The following HECW2 variants were observed in gnomAD, a reference collection of about 807,000 sequenced individuals.
The protein encoded by HECW2 is E3 ubiquitin-protein ligase HECW2.
A neutral mutation model predicts 175.2 loss-of-function variants in HECW2; 61 were observed. That is an observed-to-expected ratio of 0.35 (90% confidence interval 0.28 to 0.43). The LOEUF (loss-of-function observed/expected upper bound fraction) is 0.43, where lower values mean the gene tolerates loss of function less well. Among genes scored for constraint, HECW2 ranks in the 20% least tolerant of loss-of-function variants. The probability of loss-of-function intolerance (pLI) is 1.00; values close to 1 mark genes in which losing one functional copy is unlikely to be tolerated. For missense variants in HECW2, 1,524 were observed against 2,000.5 expected (o/e 0.76, Z 4.54); for synonymous variants, 671 against 731.0 (o/e 0.92, Z 1.32).
intron 1 of HECW2, among the ~76,000 whole-genome samples, chr2:196,467,303 A>G (rs542926881): frequency 6.6e-6 from 1 of 152,128 alleles, no homozygotes; most frequent in South Asian, 2.1e-4. Context: ...TTCTACCACT[A>G]CTGCTATTCT....
At chr2:196,383,043 G>A (rs1694250935) in intron 2 of HECW2, among the ~76,000 whole-genome samples, 1 of 152,222 alleles carries the variant, frequency 6.6e-6, no homozygotes, top group Admixed American at 6.5e-5. Flanking sequence ...TCAGTCAGAA[G>A]AGTGGTTCAA....
chr2:196,513,386 G>C (rs1172237715), intron 1 of HECW2, among the ~76,000 whole-genome samples: 3 of 152,206 alleles, frequency 2.0e-5, no homozygotes, highest in Non-Finnish European at 4.4e-5. Context: ...GCACATGCCT[G>C]TATTCCCAGC....
chr2:196,435,643 G>A (rs1695846608), intron 1 of HECW2, among the ~76,000 whole-genome samples: 1 of 152,218 alleles, frequency 6.6e-6, no homozygotes, highest in African/African-American at 2.4e-5. Flanking sequence ...TTTAAGCAGA[G>A]AGACAGGTTA....
In HECW2 at chr2:196,232,020, C is replaced by T. The variant is rs527909510; in HGVS notation, c.3765-3766G>A. Among the ~76,000 whole-genome samples, 7 of 152,072 alleles carry T rather than the reference C, an allele frequency of 4.6e-5. No homozygotes were observed. In the East Asian group the frequency reaches 5.8e-4, roughly 13 times the overall value. Reference sequence around the variant, plus strand: ...AAAAAAAAAATCTAGCTTACAATATCCTAGGGTGTACGCAACCTCAAGGAG... The same window carrying T: ...AAAAAAAAAATCTAGCTTACAATATTCTAGGGTGTACGCAACCTCAAGGAG... On this transcript the variant is annotated intron_variant, in intron 21 of 28. Coordinates refer to ENST00000644978, the MANE Select transcript of HECW2 (RefSeq NM_001348768.2).
Position 196,319,673 on chromosome 2 carries a change from G to A in HECW2, c.1217C>T (p.Thr406Ile), listed in dbSNP as rs146190713. The A allele has an allele frequency of 1.2e-4, 189 of 1,614,208 alleles. 1 individual carries two copies. In the Admixed American group the frequency reaches 1.4e-3, roughly 12 times the overall value. The change falls in exon 9 of 29, where the codon ACC becomes ATC. Residue 406 changes from threonine to isoleucine, a missense_variant. This residue lies in a region of HECW2 where 604 missense variants were observed against 588.3 expected (regional missense o/e 1.03). Transcript: ENST00000644978. ...ATCCTGACGTCCTCTGGGAGGTGAG[G>A]TCCTTGAAGACGTAGAGGTTAATTC... is the stretch of plus-strand genomic sequence containing the variant. ...TEELTSTSSR[T>I]SPPRGRQDSL... is the part of the protein sequence containing the mutation.
At chr2:196,587,037 T>C (rs1053449456) in intron 1 of HECW2, among the ~76,000 whole-genome samples, 1 of 152,220 alleles carries the variant, frequency 6.6e-6, no homozygotes, top group Non-Finnish European at 1.5e-5. Context: ...TGTCTTTAAC[T>C]TTCCAGCTGA....
Position 196,257,504 on chromosome 2 carries a change from C to T in HECW2, c.3419+319G>A, listed in dbSNP as rs374362294. ...GAAAGGGTAAACACTGAGGGGTAAA[C>T]GGTGGATGCCTTGTTCAGATACCCT... On this transcript the variant is annotated intron_variant, in intron 18 of 28. Coordinates refer to ENST00000644978, the MANE Select transcript of HECW2 (RefSeq NM_001348768.2). Among the ~76,000 whole-genome samples, 141 of 152,230 alleles carry T rather than the reference C, an allele frequency of 9.3e-4. 1 individual carries two copies. The highest frequency in any genetic ancestry group is 3.3e-3 in the African/African-American group (135 of 41,502).
At chr2:196,444,293 CTT>C (rs1354614025) in intron 1 of HECW2, among the ~76,000 whole-genome samples, 2 of 6,796 alleles carry the variant, frequency 2.9e-4, no homozygotes, top group Non-Finnish European at 9.6e-3. Context: ...GTGGGAAAGT[CTT>C]CTTTGCAAAG....
intron 1 of HECW2, among the ~76,000 whole-genome samples, chr2:196,498,480 G>T (rs1283748728): frequency 1.3e-5 from 2 of 152,108 alleles, no homozygotes; most frequent in African/African-American, 4.8e-5. Context: ...CAGTGAGAGA[G>T]ACCTAAAATA....
chr2:196,209,918 C>T (rs559710562), intron 28 of HECW2, among the ~76,000 whole-genome samples: 103 of 152,280 alleles, frequency 6.8e-4, no homozygotes, highest in African/African-American at 2.3e-3. Flanking sequence ...CGCCCACCAC[C>T]ACGCCCGGCC....
chr2:196,360,449 A>G (rs137894518), intron 2 of HECW2, among the ~76,000 whole-genome samples: 3,337 of 152,286 alleles, frequency 0.022, 113 homozygotes, highest in African/African-American at 0.077. Context: ...ACAGGAACAG[A>G]AAACCAAATA....
chr2:196,298,154 T>C (rs1690889157), intron 13 of HECW2, among the ~76,000 whole-genome samples: 1 of 152,204 alleles, frequency 6.6e-6, no homozygotes, highest in South Asian at 2.1e-4. Context: ...TGGAAAATTA[T>C]TCAGTTGAAT....
intron 1 of HECW2, among the ~76,000 whole-genome samples, chr2:196,505,163 C>A (rs1575613411): frequency 6.6e-6 from 1 of 152,100 alleles, no homozygotes; most frequent in Non-Finnish European, 1.5e-5. Flanking sequence ...AATAACCACA[C>A]CTTACCATTT....
At position 196,572,609 on chromosome 2, in the gene HECW2, T is replaced by A. The variant is rs569116881; in HGVS notation, c.-36+20899A>T. 2.0e-5 allele frequency among the ~76,000 whole-genome samples: 3 copies of A among 152,364 alleles called. No homozygotes were observed. In the South Asian group the frequency reaches 6.2e-4, roughly 32 times the overall value. On this transcript the variant is annotated intron_variant, in intron 1 of 28. Transcript: ENST00000644978. ...GCAAATTTTATGGTATATGTTACAA[T>A]AGACTAAATGTTTGTGCTTGCCCCC...
At chr2:196,448,040 T>C (rs1162164138) in intron 1 of HECW2, among the ~76,000 whole-genome samples, 2 of 152,174 alleles carry the variant, frequency 1.3e-5, no homozygotes, top group African/African-American at 2.4e-5. Flanking sequence ...TCCTCGGCAA[T>C]AGAGGGAGAC....
chr2:196,493,734 A>G (rs970413135), intron 1 of HECW2, among the ~76,000 whole-genome samples: 2 of 152,200 alleles, frequency 1.3e-5, no homozygotes, highest in Non-Finnish European at 2.9e-5. Flanking sequence ...CAAAAAGCAA[A>G]TTTGGGGCTG....
chr2:196,540,405 G>C (rs1194174021), intron 1 of HECW2, among the ~76,000 whole-genome samples: 1 of 151,882 alleles, frequency 6.6e-6, no homozygotes, highest in East Asian at 1.9e-4. Context: ...AGGGGTATTT[G>C]TGTTTAAGGA....
At chr2:196,548,604 G>A (rs1053693556) in intron 1 of HECW2, among the ~76,000 whole-genome samples, 46 of 152,194 alleles carry the variant, frequency 3.0e-4, no homozygotes, top group Admixed American at 6.5e-4. Flanking sequence ...ATTGTAATAA[G>A]TAAAGCCACT....
chr2:196,262,729 C>T (rs766353023), intron 17 of HECW2, among the ~76,000 whole-genome samples: 2 of 152,106 alleles, frequency 1.3e-5, no homozygotes, highest in African/African-American at 2.4e-5. Flanking sequence ...CCATGTCTGG[C>T]TAATTTTTGT....
Sources: allele counts gnomAD v4.1 joint callset (sites outside exome capture counted in the v4.1 genomes callset), GRCh38; gene constraint gnomAD v4.1.1; regional missense constraint gnomAD v4.1.1; transcripts MANE v1.5; gene names NCBI Gene and HGNC (gene_info 2026-07-23, HGNC 2026-07-21).